The following SPIRE1 variants were observed in gnomAD, a reference collection of about 807,000 sequenced individuals.
The protein encoded by SPIRE1 is spire type actin nucleation factor 1, also known as protein spire homolog 1.
Under a neutral mutation model 94.1 loss-of-function variants are expected in SPIRE1, and 40 were observed. The ratio of observed to expected loss-of-function variants is 0.43; its 90% CI spans 0.33 to 0.55. The LOEUF is 0.55. Among genes scored for constraint, SPIRE1 ranks in the 20% least tolerant of loss-of-function variants. The pLI is 0.06. For synonymous variants in SPIRE1, 376 were observed against 371.7 expected (o/e 1.01, Z -0.13); for missense variants, 838 against 975.2 (o/e 0.86, Z 1.87).
intron 2 of SPIRE1, among the ~76,000 whole-genome samples, chr18:12,599,963 G>A (rs1415897122): frequency 6.6e-6 from 1 of 152,090 alleles, no homozygotes; most frequent in Non-Finnish European, 1.5e-5. Context: ...TATTACATAA[G>A]ACAGCTTCCA....
At chr18:12,564,703 AG>A (rs986565791) in intron 2 of SPIRE1, among the ~76,000 whole-genome samples, 1 of 152,128 alleles carries the variant, frequency 6.6e-6, no homozygotes, top group African/African-American at 2.4e-5. Context: ...AACCAGCGCC[AG>A]GGTGGGAAAA....
chr18:12,598,933 G>A (rs2036755775), intron 2 of SPIRE1, among the ~76,000 whole-genome samples: 1 of 151,996 alleles, frequency 6.6e-6, no homozygotes, highest in African/African-American at 2.4e-5. Flanking sequence ...TTACAGAAAC[G>A]CCTCAAAAAT....
At chr18:12,605,262 T>C (rs1221056016) in intron 2 of SPIRE1, among the ~76,000 whole-genome samples, 2 of 151,910 alleles carry the variant, frequency 1.3e-5, no homozygotes, top group African/African-American at 2.4e-5. Flanking sequence ...CTCACGCCTG[T>C]AATCCCAGCA....
chr18:12,535,342 T>G, intron 4 of SPIRE1, 134 bp downstream of exon 4: 1 of 891,272 alleles, frequency 1.1e-6, no homozygotes, highest in South Asian at 1.8e-5. Context: ...CTTTCAGCAC[T>G]CATCTAAAGG....
In SPIRE1 at chr18:12,559,987, G is replaced by A. The variant is rs981372735; in HGVS notation, c.373-13083C>T. 6.6e-5 allele frequency among the ~76,000 whole-genome samples: 10 copies of A among 152,336 alleles called. No homozygotes were observed. Among genetic ancestry groups the A allele is most frequent in the African/African-American group, 2.4e-4 (10 of 41,574 alleles). ...AATTAGAAATGGCAAACAGGTATATGAAAAGGTGCTTGACATCATTGATTG... is the reference window on the plus strand; with the variant it reads ...AATTAGAAATGGCAAACAGGTATATAAAAAGGTGCTTGACATCATTGATTG... On this transcript the variant is annotated intron_variant, in intron 2 of 16. Coordinates refer to ENST00000409402, the MANE Select transcript of SPIRE1 (RefSeq NM_001128626.2). This position sits in a 1 kb window ranked among gnomAD's most constrained non-coding sequence, Gnocchi z 4.7.
intron 12 of SPIRE1, among the ~76,000 whole-genome samples, chr18:12,456,364 G>T (rs2031507040): frequency 6.6e-6 from 1 of 152,172 alleles, no homozygotes; most frequent in Admixed American, 6.5e-5. Context: ...AGTAGTGTTG[G>T]CTGAATACAT....
intron 4 of SPIRE1, among the ~76,000 whole-genome samples, chr18:12,517,026 C>T (rs1434799771): frequency 6.6e-6 from 1 of 152,184 alleles, no homozygotes; most frequent in Non-Finnish European, 1.5e-5. Flanking sequence ...AGCTCAGATA[C>T]TTTCCAGCTG....
At chr18:12,481,191 G>A (rs557352817) in intron 9 of SPIRE1, among the ~76,000 whole-genome samples, 13 of 152,052 alleles carry the variant, frequency 8.5e-5, no homozygotes, top group African/African-American at 2.4e-4. Context: ...TTAGCCAGGC[G>A]TGGTGGTGGA....
At chr18:12,550,595 C>T (rs761808727) in intron 2 of SPIRE1, among the ~76,000 whole-genome samples, 8 of 152,008 alleles carry the variant, frequency 5.3e-5, no homozygotes, top group Admixed American at 6.6e-5. Context: ...CCCCTGGGCT[C>T]GAGCAATCCT....
At chr18:12,456,566 A>T (rs1019964233) in intron 12 of SPIRE1, among the ~76,000 whole-genome samples, 3 of 152,328 alleles carry the variant, frequency 2.0e-5, no homozygotes, top group African/African-American at 7.2e-5. Context: ...TTACGTAGCA[A>T]ATAACCAGAT....
intron 8 of SPIRE1, 118 bp downstream of exon 8, chr18:12,492,954 G>T (rs781675768): frequency 8.4e-7 from 1 of 1,190,362 alleles, no homozygotes; most frequent in Non-Finnish European, 1.2e-6. Flanking sequence ...GAACAAGTGA[G>T]TGAGATACAG....
rs780736790 is a variant in SPIRE1 at position 12,506,485 on chromosome 18, T to C, written c.964A>G (p.Lys322Glu). 6.2e-7 allele frequency: 1 copy of C among 1,614,040 alleles called. No homozygotes were observed. The highest frequency in any genetic ancestry group is 1.7e-5 in the Admixed American group (1 of 59,982). Reference sequence around the variant, plus strand: ...ACAGCTTGGTTACTTACCATCACTTTTCGCAAGGTGTATCTTTTGCAGCGA... The same window carrying C: ...ACAGCTTGGTTACTTACCATCACTTCTCGCAAGGTGTATCTTTTGCAGCGA... ...DIRCKRYTLR[K>E]VMVNGDIPPR... Residue 322 changes from lysine (K) to glutamate (E), a missense_variant, in exon 6 of 17, where the codon AAA becomes GAA. Physicochemically the swap from Lys to Glu is moderately conservative, Grantham distance 56. Transcript: ENST00000409402.
chr18:12,530,391 G>A (rs2034649664), intron 4 of SPIRE1, among the ~76,000 whole-genome samples: 2 of 152,170 alleles, frequency 1.3e-5, no homozygotes, highest in Admixed American at 6.5e-5. Context: ...TTTAGAGACA[G>A]GGTCTCACTC....
chr18:12,512,386 CAAA>C lies in SPIRE1; in HGVS notation c.807+65_807+67del, dbSNP rs5823223. 8,697 of 1,025,132 alleles carry C rather than the reference CAAA, an allele frequency of 8.5e-3. 5 individuals carry two copies. Among genetic ancestry groups the C allele is most frequent in the Non-Finnish European group, 9.7e-3 (6,883 of 712,332 alleles). 63.5% of individuals were successfully genotyped at this position (1,025,132 alleles called of 1,614,324 possible). ...TGAGCAACAGAATGAGACTCTGTCT[CAAA>C]AAAAAAAAAAAATTATACTATTTCT... On this transcript the variant is annotated intron_variant, in intron 5 of 16. Coordinates refer to ENST00000409402, the MANE Select transcript of SPIRE1 (RefSeq NM_001128626.2).
chr18:12,454,364 G>C lies in SPIRE1; in HGVS notation c.1758C>G (p.Thr586=). The C allele has an allele frequency of 6.2e-7, 1 of 1,613,860 alleles. No homozygotes were observed. Among genetic ancestry groups the C allele is most frequent in the African/African-American group, 1.3e-5 (1 of 74,990 alleles). Residue 586 remains threonine, a synonymous_variant, in exon 13 of 17, where the codon ACC becomes ACG. Transcript: ENST00000409402. ...GCACTACCTTTCCTTTTTTCAAGGC[G>C]GTGTAGATGTCTTTATACTGTTGGT... is the stretch of plus-strand genomic sequence containing the variant. ...EKYQQYKDIY[T]ALKKGKLCFC...
intron 2 of SPIRE1, among the ~76,000 whole-genome samples, chr18:12,573,532 AACTTAGAAGC>A (rs988818911): frequency 6.6e-6 from 1 of 152,232 alleles, no homozygotes; most frequent in Non-Finnish European, 1.5e-5. Context: ...TTTATAGTCA[AACTTAGAAGC>A]AACCAAGATG....
intron 10 of SPIRE1, among the ~76,000 whole-genome samples, chr18:12,469,713 T>C (rs1337282700): frequency 6.9e-6 from 1 of 143,966 alleles, no homozygotes; most frequent in Non-Finnish European, 1.5e-5. Context: ...TATATAAATA[T>C]ATTTATATAA....
At chr18:12,657,292 C>G (rs111822193) in intron 1 of SPIRE1, among the ~76,000 whole-genome samples, 3,303 of 152,292 alleles carry the variant, frequency 0.022, 40 homozygotes, top group Non-Finnish European at 0.032. Context: ...ACCCAAACGT[C>G]CTCCGCACAG....
In SPIRE1 at chr18:12,449,756, C is replaced by T. The variant is rs1224186975; in HGVS notation, c.2153G>A (p.Arg718His). 6 of 1,613,974 alleles carry T rather than the reference C, an allele frequency of 3.7e-6. No homozygotes were observed. Among genetic ancestry groups the T allele is most frequent in the South Asian group, 2.2e-5 (2 of 91,080 alleles). The change falls in exon 17 of 17, where the codon CGC becomes CAC. Residue 718 changes from arginine (R) to histidine (H), a missense_variant. By Grantham distance (29) the Arg-to-His change is conservative. Around this residue, in one of 2 missense-constraint regions of SPIRE1, gnomAD observed 645 missense variants for 804.7 expected, o/e 0.80. Transcript: ENST00000409402. Reference protein sequence around the residue: ...FISEIISSSRRSLVLANKRAR... With the variant: ...FISEIISSSRHSLVLANKRAR... ...CCTTTTGTTGGCCAACACCAGACTG[C>T]GCCGGCTTGAACTGATGATTTCCGA...
Sources: gnomAD v4.1 joint callset for allele counts (sites outside exome capture counted in the v4.1 genomes callset) on GRCh38, gnomAD v4.1.1 for gene constraint, gnomAD v4.1.1 regional missense constraint, Gnocchi (gnomAD v3.1) non-coding constraint, MANE v1.5 for transcripts, NCBI Gene and HGNC (gene_info 2026-07-23, HGNC 2026-07-21) for gene names.